The following ENDOD1 variants were observed in gnomAD, a reference collection of about 807,000 sequenced individuals.
The protein encoded by ENDOD1 is endonuclease domain containing 1.
ENDOD1 carries 9 observed loss-of-function variants against 6.5 expected under a neutral mutation model. The observed-to-expected ratio is 1.39, with a 90% CI of 0.84 to 2.43. ENDOD1 has a LOEUF of 2.43. ENDOD1 is among the 30% of genes most tolerant of loss of function. ENDOD1 has a pLI of 0.00. For missense variants in ENDOD1, 648 were observed against 635.5 expected, an observed-to-expected ratio of 1.02 and a Z score of -0.21; for synonymous variants, 255 against 255.2, an observed-to-expected ratio of 1.00 and a Z score of 0.01.
chr11:95,097,759 T>C (rs537570445), intron 1 of ENDOD1, among the ~76,000 whole-genome samples: 1 of 152,280 alleles, frequency 6.6e-6, no homozygotes, highest in African/African-American at 2.4e-5. Context: ...CTGGATATAT[T>C]GTGAAGAAAG....
At chr11:95,094,123 A>C (rs1007602365) in intron 1 of ENDOD1, among the ~76,000 whole-genome samples, 2 of 148,090 alleles carry the variant, frequency 1.4e-5, no homozygotes, top group African/African-American at 4.9e-5. Context: ...TGAATATATA[A>C]ATTATATAAT....
chr11:95,090,141 C>G lies in ENDOD1; in HGVS notation c.214C>G (p.Arg72Gly). The G allele has an allele frequency of 1.3e-6, 2 of 1,524,558 alleles. No homozygotes were observed. The highest frequency in any genetic ancestry group is 1.8e-6 in the Non-Finnish European group (2 of 1,134,428). 94.4% of individuals were successfully genotyped at this position (1,524,558 alleles called of 1,614,324 possible). A position where few individuals can be genotyped will look rare whatever the true frequency, so the allele number is the denominator to read the frequency against. ...GCGCTTCGCCACCCTCTACAGCACC[C>G]GGGACCGCATCCCCGTGTACTCCGC... is the stretch of plus-strand genomic sequence containing the variant. ...AERFATLYST[R>G]DRIPVYSAFR... The change falls in exon 1 of 2, where the codon CGG becomes GGG. Residue 72 changes from arginine to glycine, a missense_variant. By Grantham distance (125) the Arg-to-Gly change is moderately radical. Transcript: ENST00000278505.
intron 1 of ENDOD1, among the ~76,000 whole-genome samples, chr11:95,123,544 G>T (rs531799268): frequency 2.1e-5 from 3 of 141,752 alleles, no homozygotes; most frequent in African/African-American, 7.9e-5. Flanking sequence ...GAAACATACT[G>T]CCCTACTCAT....
rs535355665 is a variant in ENDOD1, at chr11:95,090,367, G to A, written c.300+140G>A. The A allele has an allele frequency of 1.5e-3, 1,749 of 1,183,050 alleles. 2 individuals are homozygous for A. Among genetic ancestry groups the A allele is most frequent in the South Asian group, 3.3e-3 (146 of 44,078 alleles). 73.3% of individuals were successfully genotyped at this position (1,183,050 alleles called of 1,614,324 possible). ...CGGTGCCTTGGGCCAAGAAACCCGG[G>A]TTCCAGGTCCACCCTGTTGCGTCCC... On this transcript the variant is annotated intron_variant, in intron 1 of 1. Coordinates refer to ENST00000278505, the MANE Select transcript of ENDOD1 (RefSeq NM_015036.3).
chr11:95,125,269 A>G (rs1463354468), intron 1 of ENDOD1, among the ~76,000 whole-genome samples: 3 of 152,194 alleles, frequency 2.0e-5, no homozygotes, highest in African/African-American at 7.2e-5. Context: ...TCCAGTAACC[A>G]TGGAGAAATG....
chr11:95,126,857 T>A (rs192777350), intron 1 of ENDOD1, among the ~76,000 whole-genome samples: 1,459 of 122,820 alleles, frequency 0.012, 22 homozygotes, highest in African/African-American at 0.035. Flanking sequence ...ATTTTTTGAA[T>A]TTTTTTTTTA....
intron 1 of ENDOD1, among the ~76,000 whole-genome samples, chr11:95,096,531 A>G (rs2134161670): frequency 6.6e-6 from 1 of 152,294 alleles, no homozygotes; most frequent in African/African-American, 2.4e-5. Flanking sequence ...ATTTTTAATC[A>G]AAGCTGAAAA....
chr11:95,090,069 G>T lies in ENDOD1; in HGVS notation c.142G>T (p.Ala48Ser). The part of the protein sequence containing the change: ...FYAGTPPAGL[A>S]ADSHVKICQR... ...CGCCGGGACCCCGCCTGCGGGGCTG[G>T]CGGCCGATTCCCACGTGAAGATCTG... The change falls in exon 1 of 2, where the codon GCG becomes TCG. Residue 48 changes from alanine (A) to serine (S), a missense_variant. Ala to Ser is a moderately conservative substitution (Grantham distance 99). Transcript: ENST00000278505. 1 of 1,602,784 alleles carries T rather than the reference G, an allele frequency of 6.2e-7. No homozygotes were observed. Among genetic ancestry groups the T allele is most frequent in the African/African-American group, 1.4e-5 (1 of 73,822 alleles).
At chr11:95,100,253 T>G (rs1859025187) in intron 1 of ENDOD1, among the ~76,000 whole-genome samples, 1 of 152,158 alleles carries the variant, frequency 6.6e-6, no homozygotes, top group Non-Finnish European at 1.5e-5. Context: ...GCAAGACAGC[T>G]TCCTGACTGG....
At position 95,095,576 on chromosome 11, in the gene ENDOD1, G is replaced by C. The variant is rs550939692; in HGVS notation, c.300+5349G>C. Among the ~76,000 whole-genome samples, 3 of 152,342 alleles carry C rather than the reference G, an allele frequency of 2.0e-5. No individual in the cohort carries two copies. In the South Asian group the frequency reaches 6.2e-4, roughly 32 times the overall value. The stretch of plus-strand genomic sequence containing the variant: ...GGGACATCTGTCCTGAAGCAGTCCA[G>C]TGGTGACAATTCCCTATACTATTCT... On this transcript the variant is annotated intron_variant, in intron 1 of 1. Transcript: ENST00000278505.
At chr11:95,124,940 G>A (rs1469060241) in intron 1 of ENDOD1, among the ~76,000 whole-genome samples, 1 of 152,068 alleles carries the variant, frequency 6.6e-6, no homozygotes, top group Non-Finnish European at 1.5e-5. Flanking sequence ...AGGACACTTG[G>A]TCTCTTACAC....
chr11:95,099,513 C>A (rs531089663), intron 1 of ENDOD1, among the ~76,000 whole-genome samples: 22 of 152,358 alleles, frequency 1.4e-4, no homozygotes, highest in African/African-American at 5.3e-4. Flanking sequence ...ATCCATCATC[C>A]AGCCCTAGTC....
chr11:95,119,933 C>T (rs940506804), intron 1 of ENDOD1, among the ~76,000 whole-genome samples: 1 of 152,244 alleles, frequency 6.6e-6, no homozygotes, highest in African/African-American at 2.4e-5. Flanking sequence ...AGGAGCCTCA[C>T]CCTGTGGGCT....
In ENDOD1 at chr11:95,130,328, T is replaced by TC; in HGVS notation, c.*749_*750insC. On this transcript the variant is annotated 3_prime_UTR_variant, in exon 2 of 2. Coordinates refer to ENST00000278505, the MANE Select transcript of ENDOD1 (RefSeq NM_015036.3). ...TGAAGGGCAAAGTTTTCTTTTCTTT[T>TC]TTTTTTGGGCCCCTTGAATGGTATA... 6.6e-6 allele frequency: 1 copy of TC among 151,870 alleles called. No individual in the cohort carries two copies. Among genetic ancestry groups the TC allele is most frequent in the Non-Finnish European group, 1.5e-5 (1 of 67,950 alleles). The allele number at this position is 151,870 out of a possible 1,614,324, so 9.4% of individuals were successfully genotyped here.
In ENDOD1 at chr11:95,129,050, G is replaced by T; in HGVS notation, c.974G>T (p.Ser325Ile). 1 of 1,613,988 alleles carries T rather than the reference G, an allele frequency of 6.2e-7. No homozygotes were observed. Residue 325 changes from serine (S) to isoleucine (I), a missense_variant, in exon 2 of 2, where the codon AGT becomes ATT. By Grantham distance (142) the Ser-to-Ile change is moderately radical. Coordinates refer to ENST00000278505, the MANE Select transcript of ENDOD1 (RefSeq NM_015036.3). ...LLPPEASEGS[S>I]SFLGKLMGFI... ...CCTCCAGAGGCATCTGAGGGAAGTA[G>T]TAGCTTTTTGGGAAAACTCATGGGC...
intron 1 of ENDOD1, among the ~76,000 whole-genome samples, chr11:95,091,316 T>C (rs1591006832): frequency 1.3e-5 from 2 of 152,334 alleles, no homozygotes; most frequent in South Asian, 2.1e-4. Flanking sequence ...ATTCAGAGCC[T>C]GTGGGTTGTA....
intron 1 of ENDOD1, among the ~76,000 whole-genome samples, chr11:95,125,937 A>G (rs913088194): frequency 3.9e-5 from 6 of 152,170 alleles, no homozygotes; most frequent in Admixed American, 3.9e-4. Flanking sequence ...AGCATGATTT[A>G]TAATCCTTTG....
At chr11:95,119,300 C>T (rs1455775099) in intron 1 of ENDOD1, among the ~76,000 whole-genome samples, 1 of 152,210 alleles carries the variant, frequency 6.6e-6, no homozygotes, top group Non-Finnish European at 1.5e-5. Flanking sequence ...TGCTTCTACC[C>T]ATCCTTCTTG....
intron 1 of ENDOD1, among the ~76,000 whole-genome samples, chr11:95,128,111 G>A (rs565229594): frequency 6.6e-6 from 1 of 152,354 alleles, no homozygotes; most frequent in South Asian, 2.1e-4. Context: ...GTGTGAGTGT[G>A]AGTGAAGGGG....
Sources: gnomAD v4.1 joint callset for allele counts (sites outside exome capture counted in the v4.1 genomes callset) on GRCh38, gnomAD v4.1.1 for gene constraint, MANE v1.5 for transcripts, NCBI Gene and HGNC (gene_info 2026-07-23, HGNC 2026-07-21) for gene names.